Variants in NELL1 observed in about 807,000 individuals in gnomAD.
The protein encoded by NELL1 is protein kinase C-binding protein NELL1.
In NELL1, 76 loss-of-function variants were observed where a neutral mutation model predicts 107.4. The ratio of observed to expected loss-of-function variants is 0.71; its 90% confidence interval spans 0.59 to 0.86. NELL1 has a LOEUF of 0.86. Ranked by LOEUF, NELL1 falls within the 40% of genes least tolerant of loss-of-function variation. The probability of loss-of-function intolerance (pLI) is 0.00; values close to 1 mark genes in which losing one functional copy is unlikely to be tolerated. For missense variants in NELL1, 1,024 were observed against 1,005.5 expected, an observed-to-expected ratio of 1.02 and a Z score of -0.25; for synonymous variants, 353 against 341.2, an observed-to-expected ratio of 1.03 and a Z score of -0.38.
At chr11:21,195,273 C>T (rs1384327080) in intron 13 of NELL1, among the ~76,000 whole-genome samples, 4 of 152,086 alleles carry the variant, frequency 2.6e-5, no homozygotes, top group Admixed American at 1.3e-4. Context: ...CCTCTGGTGT[C>T]CAATGTCAAA....
chr11:21,522,838 T>TC (rs1282500691), intron 15 of NELL1, among the ~76,000 whole-genome samples: 3 of 120,454 alleles, frequency 2.5e-5, no homozygotes, highest in Non-Finnish European at 1.8e-5. Flanking sequence ...TCTTTTCTTT[T>TC]TTTTTTTTTT....
rs1201604491 is a variant in NELL1, at chr11:20,715,534, C to CTTA, written c.184+37476_184+37478dup. Among the ~76,000 whole-genome samples, 8 of 152,252 alleles carry CTTA rather than the reference C, an allele frequency of 5.3e-5. No homozygotes were observed. The East Asian group carries it at 1.4e-3, about 26-fold the overall frequency. ...AGCCTGTGGCTTAGACTCACTCCAC[C>CTTA]TTATGCATGTTTCCCCTACTTCACG... is the stretch of plus-strand genomic sequence containing the variant. On this transcript the variant is annotated intron_variant, in intron 2 of 19. Coordinates refer to ENST00000357134, the MANE Select transcript of NELL1 (RefSeq NM_006157.5).
chr11:21,154,885 G>A (rs1856197247), intron 13 of NELL1, among the ~76,000 whole-genome samples: 1 of 152,162 alleles, frequency 6.6e-6, no homozygotes, highest in African/African-American at 2.4e-5. Context: ...TAGATAATAC[G>A]AGTTAACATA....
chr11:21,183,945 G>T (rs1480330599), intron 13 of NELL1, among the ~76,000 whole-genome samples: 2 of 151,668 alleles, frequency 1.3e-5, no homozygotes, highest in Non-Finnish European at 2.9e-5. Context: ...CATTTTTGGG[G>T]GCTCATAGGT....
At chr11:20,748,916 C>T (rs191873405) in intron 2 of NELL1, among the ~76,000 whole-genome samples, 1,791 of 122,860 alleles carry the variant, frequency 0.015, 18 homozygotes, top group Non-Finnish European at 0.022. Context: ...AGCCACCCAT[C>T]CATCCATCCA....
chr11:20,969,656 A>G (rs894348149), intron 12 of NELL1, among the ~76,000 whole-genome samples: 9 of 144,702 alleles, frequency 6.2e-5, no homozygotes, highest in Non-Finnish European at 1.4e-4. Context: ...CAGGGGAGTG[A>G]TGTAGTAAAG....
At chr11:21,344,251 A>G (rs1256056256) in intron 14 of NELL1, among the ~76,000 whole-genome samples, 1 of 152,216 alleles carries the variant, frequency 6.6e-6, no homozygotes, top group Admixed American at 6.5e-5. Context: ...TTTTCAATCA[A>G]TACTCAATTG....
In NELL1 at chr11:21,252,765, C is replaced by G. The variant is rs138493853; in HGVS notation, c.1549+23311C>G. Among the ~76,000 whole-genome samples the G allele has an allele frequency of 2.9e-3, 446 of 152,198 alleles. 1 individual carries two copies. The highest frequency in any genetic ancestry group is 0.01 in the African/African-American group (426 of 41,530). On this transcript the variant is annotated intron_variant, in intron 14 of 19. Coordinates refer to ENST00000357134, the MANE Select transcript of NELL1 (RefSeq NM_006157.5). Reference sequence around the variant, plus strand: ...AGTAGAGCTATCCAAAGAAGGAAAACACTCAGGATAAGTAAGAAGGTCATT... The same window carrying G: ...AGTAGAGCTATCCAAAGAAGGAAAAGACTCAGGATAAGTAAGAAGGTCATT...
intron 12 of NELL1, among the ~76,000 whole-genome samples, chr11:21,036,659 A>T (rs185974554): frequency 7.8e-4 from 119 of 152,074 alleles, no homozygotes; most frequent in African/African-American, 2.6e-3. Context: ...ATTTATTTAG[A>T]TCTCTCTGCC....
intron 14 of NELL1, among the ~76,000 whole-genome samples, chr11:21,367,345 AAGT>A (rs1851251753): frequency 6.6e-6 from 1 of 151,910 alleles, no homozygotes. Flanking sequence ...GCAGTTGAAG[AAGT>A]ACCAACATAT....
chr11:20,692,819 G>C (rs1199810384), intron 2 of NELL1, among the ~76,000 whole-genome samples: 1 of 152,174 alleles, frequency 6.6e-6, no homozygotes, highest in Non-Finnish European at 1.5e-5. Context: ...GTGCAGAGCT[G>C]AGTTCAATTC....
rs370314062 is a variant in NELL1 at position 21,319,348 on chromosome 11, A to G, written c.1550-51505A>G. 5.3e-5 allele frequency among the ~76,000 whole-genome samples: 8 copies of G among 151,132 alleles called. No homozygotes were observed. The East Asian group carries it at 1.6e-3, about 30-fold the overall frequency. On this transcript the variant is annotated intron_variant, in intron 14 of 19. Coordinates refer to ENST00000357134, the MANE Select transcript of NELL1 (RefSeq NM_006157.5). ...GCACCACTATGCACGGCTAATTTTT[A>G]TTTTATTATTTTTTATTTTTCAGTA...
intron 4 of NELL1, among the ~76,000 whole-genome samples, chr11:20,865,606 G>A (rs576112441): frequency 6.6e-6 from 1 of 152,270 alleles, no homozygotes; most frequent in East Asian, 1.9e-4. Flanking sequence ...GGGAGGAGGA[G>A]AAGGTATCTA....
intron 2 of NELL1, among the ~76,000 whole-genome samples, chr11:20,776,022 C>T (rs562952686): frequency 3.9e-5 from 6 of 152,108 alleles, no homozygotes; most frequent in Non-Finnish European, 8.8e-5. Flanking sequence ...ACTTTGGAGC[C>T]AAGATGTAGT....
chr11:21,380,957 C>T (rs1360859223), intron 15 of NELL1, among the ~76,000 whole-genome samples: 2 of 151,904 alleles, frequency 1.3e-5, no homozygotes, highest in Non-Finnish European at 2.9e-5. Context: ...ATTGTAAGCC[C>T]CAAATTTTGC....
At chr11:20,724,945 G>A (rs555192958) in intron 2 of NELL1, among the ~76,000 whole-genome samples, 1 of 152,318 alleles carries the variant, frequency 6.6e-6, no homozygotes, top group Non-Finnish European at 1.5e-5. Context: ...AATCATGGTA[G>A]AAGGCAAAGG....
chr11:20,849,224 AC>A (rs1373246951), intron 4 of NELL1, among the ~76,000 whole-genome samples: 4 of 151,950 alleles, frequency 2.6e-5, no homozygotes, highest in Non-Finnish European at 5.9e-5. Context: ...AGGCCACAAA[AC>A]CCTAGTTTCG....
rs761063064 is a variant in NELL1, at chr11:21,374,873, C to T, written c.1645+3925C>T. ...GATTCAGCTACCAGGCTGTGTGGAACTGACTGTGTGTGTCTGTGTGTGTGT... is the reference window on the plus strand; with the variant it reads ...GATTCAGCTACCAGGCTGTGTGGAATTGACTGTGTGTGTCTGTGTGTGTGT... On this transcript the variant is annotated intron_variant, in intron 15 of 19. Coordinates refer to ENST00000357134, the MANE Select transcript of NELL1 (RefSeq NM_006157.5). Among the ~76,000 whole-genome samples the T allele has an allele frequency of 1.7e-4, 22 of 132,966 alleles. 1 individual carries two copies. The highest frequency in any genetic ancestry group is 2.2e-4 in the Non-Finnish European group (14 of 62,512). The allele number at this position is 132,966 out of a possible 152,430, so 87.2% of individuals were successfully genotyped here. A position where few individuals can be genotyped will look rare whatever the true frequency, so the allele number is the denominator to read the frequency against.
At chr11:21,128,885 GC>G (rs1481187819) in intron 13 of NELL1, among the ~76,000 whole-genome samples, 1 of 152,192 alleles carries the variant, frequency 6.6e-6, no homozygotes, top group Non-Finnish European at 1.5e-5. Flanking sequence ...CAGCTTTGGA[GC>G]CAAACCCAGG....
Sources: gnomAD v4.1 joint callset for allele counts (sites outside exome capture counted in the v4.1 genomes callset) on GRCh38, gnomAD v4.1.1 for gene constraint, MANE v1.5 for transcripts, NCBI Gene and HGNC (gene_info 2026-07-23, HGNC 2026-07-21) for gene names.